Variants in CLCN6 observed in about 807,000 individuals in gnomAD.
CLCN6 encodes H(+)/Cl(-) exchange transporter 6.
A neutral mutation model predicts 109.8 loss-of-function variants in CLCN6; 70 were observed. The observed-to-expected ratio is 0.64, with a 90% confidence interval of 0.53 to 0.78. The LOEUF (loss-of-function observed/expected upper bound fraction) is 0.78, where lower values mean the gene tolerates loss of function less well. CLCN6 is among the 30% of genes least tolerant of loss of function. The probability of loss-of-function intolerance (pLI) is 0.00; values close to 1 mark genes in which losing one functional copy is unlikely to be tolerated. For missense variants in CLCN6, 984 were observed against 1,142.3 expected (o/e 0.86, Z 2.00); for synonymous variants, 444 against 447.8 (o/e 0.99, Z 0.11).
chr1:11,830,358 A>G (rs1447143087), intron 13 of CLCN6: 2 of 152,170 alleles, frequency 1.3e-5, no homozygotes, highest in Admixed American at 1.3e-4. Context: ...TGTGGAGCAA[A>G]TATATTCAGG....
At chr1:11,807,341 G>A in intron 2 of CLCN6, 151 bp downstream of exon 2, 1 of 666,642 alleles carries the variant, frequency 1.5e-6, no homozygotes, top group East Asian at 2.7e-5. Context: ...GAAAGAGACT[G>A]TTTAGCAAGC....
chr1:11,825,460 C>A (rs1024417945), intron 8 of CLCN6, among the ~76,000 whole-genome samples: 1 of 152,208 alleles, frequency 6.6e-6, no homozygotes, highest in African/African-American at 2.4e-5. Flanking sequence ...CGGTCTTCTG[C>A]AACAGCTTCC....
In CLCN6 at chr1:11,822,993, C is replaced by G. The variant is rs115984958; in HGVS notation, c.453+192C>G. On this transcript the variant is annotated intron_variant, in intron 6 of 22. Coordinates refer to ENST00000346436, the MANE Select transcript of CLCN6 (RefSeq NM_001286.5). ...AAAGGCCTCCCAGGTGATGCTCATT[C>G]ACAGGGAACTTGTACAGATTCTGGG... is the stretch of plus-strand genomic sequence containing the variant. 5.0e-3 allele frequency among the ~76,000 whole-genome samples: 759 copies of G among 152,260 alleles called. 8 individuals are homozygous for G. The highest frequency in any genetic ancestry group is 0.017 in the African/African-American group (721 of 41,534).
chr1:11,810,237 G>C (rs1374015886), intron 2 of CLCN6, among the ~76,000 whole-genome samples: 1 of 151,994 alleles, frequency 6.6e-6, no homozygotes, highest in Non-Finnish European at 1.5e-5. Flanking sequence ...ATAAATTTAG[G>C]GTCTTACAAA....
At chr1:11,830,920 G>A (rs1427854762) in intron 13 of CLCN6, among the ~76,000 whole-genome samples, 6 of 151,448 alleles carry the variant, frequency 4.0e-5, no homozygotes, top group South Asian at 2.1e-4. Context: ...TGCAACTTCC[G>A]CCTCCCAAGT....
At chr1:11,836,195 G>A (rs1317166915) in intron 18 of CLCN6, 42 bp downstream of exon 18, 2 of 1,575,032 alleles carry the variant, frequency 1.3e-6, no homozygotes, top group South Asian at 1.2e-5. Context: ...TGAGAGACAA[G>A]CGGTCCCGTC....
At chr1:11,815,958 A>T in intron 3 of CLCN6, 47 bp downstream of exon 3, 1 of 1,462,468 alleles carries the variant, frequency 6.8e-7, no homozygotes, top group South Asian at 1.1e-5. Context: ...CAGTCTTAAC[A>T]TGGCATTTTT....
chr1:11,831,805 T>G (rs1210368577), intron 13 of CLCN6, among the ~76,000 whole-genome samples: 1 of 152,158 alleles, frequency 6.6e-6, no homozygotes, highest in Non-Finnish European at 1.5e-5. Flanking sequence ...CATCTCAGCC[T>G]CCCAAGTAGC....
At chr1:11,817,402 C>T (rs1462458717) in intron 4 of CLCN6, among the ~76,000 whole-genome samples, 2 of 152,104 alleles carry the variant, frequency 1.3e-5, no homozygotes, top group Non-Finnish European at 2.9e-5. Flanking sequence ...CCCCGTACGT[C>T]GTTAATGTTA....
intron 2 of CLCN6, among the ~76,000 whole-genome samples, chr1:11,811,436 G>T (rs182853392): frequency 9.9e-5 from 15 of 150,926 alleles, no homozygotes; most frequent in Non-Finnish European, 1.6e-4. Context: ...AGGCAAGAGT[G>T]CAATGTTGTG....
Position 11,838,563 on chromosome 1 carries a change from C to T in CLCN6, c.2432C>T (p.Pro811Leu), listed in dbSNP as rs1384366917. 6.2e-7 allele frequency: 1 copy of T among 1,612,000 alleles called. No homozygotes were observed. Among genetic ancestry groups the T allele is most frequent in the Non-Finnish European group, 8.5e-7 (1 of 1,178,302 alleles). The change falls in exon 22 of 23, where the codon CCT (proline) becomes CTT (leucine). Residue 811 changes from proline to leucine, a missense_variant. Pro to Leu is a moderately conservative substitution (Grantham distance 98, BLOSUM62 -3). Coordinates refer to ENST00000346436, the MANE Select transcript of CLCN6 (RefSeq NM_001286.5). ...GTCACCCCATACATGAACCCTTCGC[C>T]TTTCACCGTCTCGCCCAACACCCAC... The part of the protein sequence containing the change: ...VDVTPYMNPS[P>L]FTVSPNTHVS...
chr1:11,829,056 G>A lies in CLCN6; in HGVS notation c.1122-140G>A, dbSNP rs754622739. ...ATACAGCAAATCACGGATCAATTCT[G>A]CACACATGTTGACTGACCAGGGGCT... On this transcript the variant is annotated intron_variant, in intron 12 of 22. Transcript: ENST00000346436. The A allele has an allele frequency of 9.4e-6, 9 of 953,002 alleles. 1 individual carries two copies. The South Asian group carries it at 1.4e-4, about 15-fold the overall frequency. The allele number at this position is 953,002 out of a possible 1,614,324, so 59.0% of individuals were successfully genotyped here.
At chr1:11,830,918 C>G (rs142908704) in intron 13 of CLCN6, among the ~76,000 whole-genome samples, 263 of 151,994 alleles carry the variant, frequency 1.7e-3, no homozygotes, top group East Asian at 0.011. Context: ...ACTGCAACTT[C>G]CGCCTCCCAA....
chr1:11,837,133 C>A lies in CLCN6; in HGVS notation c.2115C>A (p.Leu705=). Residue 705 remains leucine (L), a synonymous_variant, in exon 19 of 23, where the codon CTC becomes CTA. Transcript: ENST00000346436. ...AGGAGCCAGCCGAGAAGGAGGACCT[C>A]CTGCAGCAGATGCTGGAAAGGAGGT... is the stretch of plus-strand genomic sequence containing the variant. The part of the protein sequence containing the change: ...ASEEPAEKED[L]LQQMLERRYT... The A allele has an allele frequency of 6.2e-7, 1 of 1,612,976 alleles. No homozygotes were observed. Among genetic ancestry groups the A allele is most frequent in the Non-Finnish European group, 8.5e-7 (1 of 1,179,966 alleles).
chr1:11,830,762 T>TATAC (rs1293944315), intron 13 of CLCN6, among the ~76,000 whole-genome samples: 13 of 134,874 alleles, frequency 9.6e-5, no homozygotes, highest in African/African-American at 4.1e-4. Flanking sequence ...TATATATATA[T>TATAC]ATACACACAC....
At chr1:11,809,826 A>G (rs577499195) in intron 2 of CLCN6, among the ~76,000 whole-genome samples, 4 of 152,342 alleles carry the variant, frequency 2.6e-5, no homozygotes, top group South Asian at 4.1e-4. Context: ...AACCATCTTC[A>G]AGAATGAGCT....
intron 14 of CLCN6, 93 bp from the exon 15 acceptor site, chr1:11,833,784 G>T: frequency 6.4e-7 from 1 of 1,560,150 alleles, no homozygotes. Context: ...GTGTTGGAAG[G>T]GGAACTGGTA....
intron 9 of CLCN6, 26 bp from the exon 10 acceptor site, chr1:11,827,063 A>G (rs751726621): frequency 1.2e-6 from 2 of 1,610,630 alleles, no homozygotes; most frequent in Admixed American, 3.4e-5. Context: ...TCTTTATTGG[A>G]TAACCCGTCT....
chr1:11,824,428 C>T (rs1224420913), intron 7 of CLCN6, 58 bp from the exon 8 acceptor site: 21 of 1,442,148 alleles, frequency 1.5e-5, no homozygotes, highest in Non-Finnish European at 2.0e-5. Context: ...GCCAAGGTCT[C>T]CTGACCCAGG....
Sources: gnomAD v4.1 joint callset for allele counts (sites outside exome capture counted in the v4.1 genomes callset) on GRCh38, gnomAD v4.1.1 for gene constraint, MANE v1.5 for transcripts, NCBI Gene and HGNC (gene_info 2026-07-23, HGNC 2026-07-21) for gene names.